NRG3: variants seen among roughly 807,000 people sequenced by gnomAD.
NRG3 encodes the protein pro-neuregulin-3, membrane-bound isoform.
A neutral mutation model predicts 66.9 loss-of-function variants in NRG3; 31 were observed. That is an observed-to-expected ratio of 0.46 (90% CI 0.35 to 0.63). The LOEUF (loss-of-function observed/expected upper bound fraction) is 0.63, where lower values mean the gene tolerates loss of function less well. Among genes scored for constraint, NRG3 ranks in the 20% least tolerant of loss-of-function variants. The pLI, the probability that NRG3 is intolerant of heterozygous loss-of-function variation, is 0.00. For synonymous variants in NRG3, 393 were observed against 359.4 expected (o/e 1.09, Z -1.06); for missense variants, 910 against 878.9 (o/e 1.04, Z -0.45).
At chr10:82,195,840 C>A (rs2074419129) in intron 1 of NRG3, among the ~76,000 whole-genome samples, 2 of 152,170 alleles carry the variant, frequency 1.3e-5, no homozygotes, top group Admixed American at 1.3e-4. Context: ...AAGGACTCGA[C>A]TGGCCATTTC....
At chr10:82,817,411 G>A (rs1489956174) in intron 3 of NRG3, among the ~76,000 whole-genome samples, 1 of 152,216 alleles carries the variant, frequency 6.6e-6, no homozygotes, top group East Asian at 1.9e-4. Context: ...CCTGAACAAT[G>A]CAAATTGCGA....
At chr10:82,289,179 T>G (rs1437336271) in intron 1 of NRG3, among the ~76,000 whole-genome samples, 1 of 152,138 alleles carries the variant, frequency 6.6e-6, no homozygotes, top group East Asian at 1.9e-4. Flanking sequence ...TTCTAAACCT[T>G]TGTCTTTGAC....
chr10:82,164,371 C>T (rs924772689), intron 1 of NRG3, among the ~76,000 whole-genome samples: 20 of 152,078 alleles, frequency 1.3e-4, no homozygotes, highest in African/African-American at 3.9e-4. Flanking sequence ...GATTTCAAGT[C>T]CTCTCTTCTT....
intron 2 of NRG3, among the ~76,000 whole-genome samples, chr10:82,467,288 A>G (rs940695060): frequency 1.3e-5 from 2 of 152,216 alleles, no homozygotes; most frequent in Admixed American, 6.5e-5. Flanking sequence ...ATTTACATTT[A>G]TGCATTTCCT....
intron 2 of NRG3, among the ~76,000 whole-genome samples, chr10:82,451,092 A>G (rs552535726): frequency 5.9e-5 from 9 of 152,200 alleles, no homozygotes; most frequent in Non-Finnish European, 1.0e-4. Context: ...TGTAATACCT[A>G]TGTGTGCCAG....
chr10:82,733,413 A>T (rs777995098), intron 2 of NRG3, among the ~76,000 whole-genome samples: 25 of 152,196 alleles, frequency 1.6e-4, no homozygotes, highest in African/African-American at 2.2e-4. Context: ...AGAAACAAAG[A>T]TATTAAATAA....
intron 4 of NRG3, among the ~76,000 whole-genome samples, chr10:82,899,844 A>G (rs533234838): frequency 2.0e-5 from 3 of 152,358 alleles, no homozygotes; most frequent in African/African-American, 7.2e-5. Context: ...AGTAGAAGGT[A>G]GAAGAAATTA....
chr10:82,605,082 T>C (rs998599955), intron 2 of NRG3, among the ~76,000 whole-genome samples: 1 of 151,990 alleles, frequency 6.6e-6, no homozygotes, highest in Non-Finnish European at 1.5e-5. Context: ...CATTGTGGAG[T>C]AGGAGTGGTG....
chr10:82,095,791 G>A (rs1293786766), intron 1 of NRG3, among the ~76,000 whole-genome samples: 1 of 152,198 alleles, frequency 6.6e-6, no homozygotes, highest in African/African-American at 2.4e-5. Flanking sequence ...ACTAAGCAGA[G>A]TGAATCCTGC....
chr10:82,578,106 C>T (rs1324188000), intron 2 of NRG3, among the ~76,000 whole-genome samples: 1 of 151,328 alleles, frequency 6.6e-6, no homozygotes, highest in African/African-American at 2.4e-5. Flanking sequence ...ATCAGGGCTG[C>T]AGTCACCCTC....
At chr10:82,639,116 A>T (rs778543847) in intron 2 of NRG3, among the ~76,000 whole-genome samples, 1 of 152,218 alleles carries the variant, frequency 6.6e-6, no homozygotes, top group African/African-American at 2.4e-5. Context: ...CAAACACAGG[A>T]TACCATTGTC....
intron 2 of NRG3, among the ~76,000 whole-genome samples, chr10:82,405,040 T>G (rs2087396238): frequency 6.6e-6 from 1 of 152,078 alleles, no homozygotes; most frequent in Non-Finnish European, 1.5e-5. Flanking sequence ...GATCCACAAT[T>G]TCTGTTCTGA....
intron 3 of NRG3, among the ~76,000 whole-genome samples, chr10:82,753,101 A>T (rs1172533843): frequency 6.6e-6 from 1 of 152,182 alleles, no homozygotes; most frequent in East Asian, 1.9e-4. Flanking sequence ...CTAGAATGGT[A>T]CCAATTTAAA....
intron 2 of NRG3, among the ~76,000 whole-genome samples, chr10:82,435,206 T>C (rs2136367854): frequency 6.6e-6 from 1 of 152,314 alleles, no homozygotes; most frequent in South Asian, 2.1e-4. Flanking sequence ...TATCCATTTC[T>C]TCTAGATTTT....
At chr10:82,964,573 G>A (rs747259872) in intron 6 of NRG3, among the ~76,000 whole-genome samples, 10 of 152,108 alleles carry the variant, frequency 6.6e-5, no homozygotes, top group Non-Finnish European at 1.5e-4. Context: ...CAGCGGTCGA[G>A]TTGTTTTTAA....
At chr10:82,298,307 G>A (rs1205654763) in intron 1 of NRG3, among the ~76,000 whole-genome samples, 2 of 151,338 alleles carry the variant, frequency 1.3e-5, no homozygotes, top group African/African-American at 2.4e-5. Flanking sequence ...AGGAAGGTGT[G>A]GAATCTAATC....
chr10:82,908,884 T>C (rs1207789275), intron 4 of NRG3, among the ~76,000 whole-genome samples: 2 of 147,342 alleles, frequency 1.4e-5, no homozygotes, highest in Admixed American at 1.4e-4. Flanking sequence ...AGGAAGCCAA[T>C]GGAGGTAGTG....
intron 1 of NRG3, among the ~76,000 whole-genome samples, chr10:81,989,859 T>C (rs542120040): frequency 6.6e-6 from 1 of 151,784 alleles, no homozygotes; most frequent in African/African-American, 2.4e-5. Context: ...CTGTAGTTGG[T>C]GAAAAAATGG....
intron 1 of NRG3, among the ~76,000 whole-genome samples, chr10:81,881,622 G>A (rs1202012826): frequency 6.6e-6 from 1 of 152,044 alleles, no homozygotes; most frequent in Non-Finnish European, 1.5e-5. Flanking sequence ...CTATCTGGGG[G>A]CATTGCAATG....
Sources: allele counts gnomAD v4.1 joint callset (sites outside exome capture counted in the v4.1 genomes callset), GRCh38; gene constraint gnomAD v4.1.1; transcripts MANE v1.5; gene names NCBI Gene and HGNC (gene_info 2026-07-23, HGNC 2026-07-21).